Variants in SSBP3 observed in about 807,000 individuals in gnomAD.
The protein encoded by SSBP3 is single-stranded DNA-binding protein 3.
A neutral mutation model predicts 69.6 loss-of-function variants in SSBP3; 5 were observed. The ratio of observed to expected loss-of-function variants is 0.07; its 90% confidence interval spans 0.04 to 0.15. SSBP3 has a LOEUF of 0.15. Among genes scored for constraint, SSBP3 ranks in the 10% least tolerant of loss-of-function variants. The pLI, the probability that SSBP3 is intolerant of heterozygous loss-of-function variation, is 1.00. For synonymous variants in SSBP3, 196 were observed against 193.4 expected, an observed-to-expected ratio of 1.01 and a Z score of -0.11; for missense variants, 312 against 534.0, an observed-to-expected ratio of 0.58 and a Z score of 4.10.
chr1:54,411,553 C>A (rs1425130299), intron 1 of SSBP3, among the ~76,000 whole-genome samples: 2 of 151,830 alleles, frequency 1.3e-5, no homozygotes, highest in African/African-American at 4.8e-5. Context: ...CTTTGGGAGT[C>A]CGCGGCGGGA....
intron 4 of SSBP3, among the ~76,000 whole-genome samples, chr1:54,374,358 C>T (rs1362150014): frequency 2.6e-5 from 4 of 152,186 alleles, no homozygotes; most frequent in Admixed American, 2.6e-4. Flanking sequence ...GAGCAAACAT[C>T]CCAGGTCATC....
chr1:54,252,027 C>T (rs1644839360), intron 7 of SSBP3, among the ~76,000 whole-genome samples, 167 bp from the exon 8 acceptor site: 1 of 152,176 alleles, frequency 6.6e-6, no homozygotes, highest in African/African-American at 2.4e-5. Flanking sequence ...CCCGGGCCTA[C>T]CAGTCAGCTG....
At chr1:54,410,729 C>T (rs1332569890), upstream of SSBP3, among the ~76,000 whole-genome samples, 1 of 152,216 alleles carries the variant, frequency 6.6e-6, no homozygotes, top group Non-Finnish European at 1.5e-5. Flanking sequence ...CCCTCTGAGC[C>T]TCACCGTCCT....
At chr1:54,355,835 C>T (rs1404190971) in intron 4 of SSBP3, among the ~76,000 whole-genome samples, 3 of 152,188 alleles carry the variant, frequency 2.0e-5, no homozygotes, top group East Asian at 3.8e-4. Flanking sequence ...CCACACCTCC[C>T]GCTTTGTGCG....
At chr1:54,265,733 G>A (rs1006875771) in intron 5 of SSBP3, among the ~76,000 whole-genome samples, 1 of 152,208 alleles carries the variant, frequency 6.6e-6, no homozygotes, top group African/African-American at 2.4e-5. Flanking sequence ...ATAAATACCA[G>A]GGATCCTTAC....
At chr1:54,404,473 G>C in intron 3 of SSBP3, 103 bp downstream of exon 3, 4 of 1,404,806 alleles carry the variant, frequency 2.8e-6, no homozygotes, top group Non-Finnish European at 4.0e-6. Flanking sequence ...AACGCAGAGG[G>C]CCACAGGGCG....
chr1:54,408,460 A>G (rs897401871), upstream of SSBP3, among the ~76,000 whole-genome samples: 1 of 152,170 alleles, frequency 6.6e-6, no homozygotes, highest in Admixed American at 6.5e-5. Context: ...ACTGACTCAC[A>G]AGAAGCCTGA....
intron 4 of SSBP3, among the ~76,000 whole-genome samples, chr1:54,392,768 A>G (rs1648588761): frequency 1.3e-5 from 2 of 152,238 alleles, no homozygotes; most frequent in Admixed American, 1.3e-4. Flanking sequence ...GGGGTGGCAG[A>G]AAGGGCAAGT....
chr1:54,389,016 G>T (rs2100757354), intron 4 of SSBP3, among the ~76,000 whole-genome samples: 1 of 152,300 alleles, frequency 6.6e-6, no homozygotes, highest in South Asian at 2.1e-4. Context: ...GGCTCTTGAG[G>T]CATTGCTAAT....
At chr1:54,297,881 T>C (rs575213989) in intron 4 of SSBP3, among the ~76,000 whole-genome samples, 1 of 152,306 alleles carries the variant, frequency 6.6e-6, no homozygotes, top group Non-Finnish European at 1.5e-5. Context: ...AAGCTGCCTG[T>C]CTTCCTGAGG....
At chr1:54,232,993 C>G (rs1268609267) in intron 14 of SSBP3, among the ~76,000 whole-genome samples, 3 of 152,132 alleles carry the variant, frequency 2.0e-5, no homozygotes, top group Non-Finnish European at 2.9e-5. Flanking sequence ...AGCCTCTGCC[C>G]GGCCGCCACC....
At chr1:54,396,703 A>G (rs1648911982) in intron 4 of SSBP3, among the ~76,000 whole-genome samples, 1 of 152,212 alleles carries the variant, frequency 6.6e-6, no homozygotes, top group South Asian at 2.1e-4. Flanking sequence ...GCAAATGCTT[A>G]GCTAACAAAG....
At chr1:54,376,172 T>G (rs920524911) in intron 4 of SSBP3, among the ~76,000 whole-genome samples, 2 of 150,292 alleles carry the variant, frequency 1.3e-5, no homozygotes, top group Non-Finnish European at 3.0e-5. Flanking sequence ...CCCTGTTCAC[T>G]CGTGTGCGTG....
chr1:54,408,706 T>C (rs187990687), upstream of SSBP3, among the ~76,000 whole-genome samples: 291 of 152,324 alleles, frequency 1.9e-3, no homozygotes, highest in Non-Finnish European at 2.9e-3. Context: ...TAATCTGATG[T>C]GCTACAATGT....
chr1:54,271,917 A>G (rs487645), intron 5 of SSBP3, among the ~76,000 whole-genome samples: 94,848 of 151,900 alleles, frequency 0.62, 30,246 homozygotes, highest in African/African-American at 0.74. Flanking sequence ...TTCCAGTCGC[A>G]TGCCACCATG....
At chr1:54,264,932 G>T (rs994723637) in intron 5 of SSBP3, among the ~76,000 whole-genome samples, 4 of 152,240 alleles carry the variant, frequency 2.6e-5, no homozygotes, top group Non-Finnish European at 4.4e-5. Context: ...GAGGACCTGC[G>T]GTACTGGCGG....
chr1:54,401,540 C>T (rs1196610631), intron 4 of SSBP3, among the ~76,000 whole-genome samples: 2 of 152,188 alleles, frequency 1.3e-5, no homozygotes, highest in Non-Finnish European at 2.9e-5. Flanking sequence ...ACTAAAGAGG[C>T]TTAGTCCCCT....
At chr1:54,234,848 T>A (rs1439883977) in intron 14 of SSBP3, among the ~76,000 whole-genome samples, 1 of 151,304 alleles carries the variant, frequency 6.6e-6, no homozygotes, top group East Asian at 2.0e-4. Context: ...ACTGCAGCCT[T>A]AAATTCCTAA....
chr1:54,253,168 G>GTT (rs1171308407), intron 7 of SSBP3, among the ~76,000 whole-genome samples: 4 of 92,594 alleles, frequency 4.3e-5, no homozygotes, highest in Admixed American at 2.9e-4. Flanking sequence ...ATTGGTATTT[G>GTT]TTTTTGTTTT....
Sources: allele counts gnomAD v4.1 joint callset (sites outside exome capture counted in the v4.1 genomes callset), GRCh38; gene constraint gnomAD v4.1.1; transcripts MANE v1.5; gene names NCBI Gene and HGNC (gene_info 2026-07-23, HGNC 2026-07-21).